CADM2: variants seen among roughly 807,000 people sequenced by gnomAD.
CADM2 encodes immunoglobulin superfamily member 4D.
In CADM2, 12 loss-of-function variants were observed where a neutral mutation model predicts 49.8. The observed-to-expected ratio is 0.24, with a 90% CI of 0.15 to 0.39. The LOEUF (loss-of-function observed/expected upper bound fraction) is 0.39, where lower values mean the gene tolerates loss of function less well. Ranked by LOEUF, CADM2 falls within the 10% of genes least tolerant of loss-of-function variation. The pLI is 1.00. For synonymous variants in CADM2, 214 were observed against 175.4 expected (o/e 1.22, Z -1.74); for missense variants, 378 against 492.3 (o/e 0.77, Z 2.20).
intron 1 of CADM2, among the ~76,000 whole-genome samples, chr3:85,442,066 G>GA (rs1174357082): frequency 6.6e-6 from 1 of 151,976 alleles, no homozygotes; most frequent in Non-Finnish European, 1.5e-5. Context: ...AAGACATGTT[G>GA]AAAATAGGCA....
At chr3:85,959,698 A>AT in intron 7 of CADM2, among the ~76,000 whole-genome samples, 1 of 151,810 alleles carries the variant, frequency 6.6e-6, no homozygotes, top group Non-Finnish European at 1.5e-5. Flanking sequence ...TTTACTATAC[A>AT]TTTTCCATGT....
chr3:85,610,905 A>T (rs537025197), intron 1 of CADM2, among the ~76,000 whole-genome samples: 1 of 152,082 alleles, frequency 6.6e-6, no homozygotes, highest in South Asian at 2.1e-4. Flanking sequence ...CATCCTCATA[A>T]GTGTTGAAAC....
chr3:85,279,605 A>T (rs1270135751), intron 1 of CADM2, among the ~76,000 whole-genome samples: 1 of 151,492 alleles, frequency 6.6e-6, no homozygotes, highest in East Asian at 1.9e-4. Context: ...TTTAGTAAGT[A>T]TATTAAACTG....
At chr3:85,832,329 G>T (rs2074221341) in intron 3 of CADM2, among the ~76,000 whole-genome samples, 2 of 151,850 alleles carry the variant, frequency 1.3e-5, no homozygotes, top group South Asian at 4.2e-4. Context: ...TGAAGTTCAG[G>T]GTAGTATATC....
At chr3:85,873,600 A>T (rs890610823) in intron 3 of CADM2, among the ~76,000 whole-genome samples, 2 of 152,172 alleles carry the variant, frequency 1.3e-5, no homozygotes, top group African/African-American at 4.8e-5. Flanking sequence ...AGGGAGGCAG[A>T]GGTTGCAGTG....
chr3:85,701,460 A>G (rs1206277207), intron 1 of CADM2, among the ~76,000 whole-genome samples: 2 of 151,006 alleles, frequency 1.3e-5, no homozygotes, highest in Non-Finnish European at 2.9e-5. Flanking sequence ...GGACCCAGCA[A>G]TATGCTCTTA....
chr3:85,078,041 G>GACTT (rs1303332876), intron 1 of CADM2, among the ~76,000 whole-genome samples: 6 of 151,968 alleles, frequency 3.9e-5, no homozygotes, highest in African/African-American at 1.4e-4. Flanking sequence ...TTTAAATGCA[G>GACTT]ACTTAACTTC....
intron 5 of CADM2, among the ~76,000 whole-genome samples, chr3:85,909,416 A>ATATATATAT (rs1717261059): frequency 6.6e-6 from 1 of 150,648 alleles, no homozygotes; most frequent in Non-Finnish European, 1.5e-5. Flanking sequence ...ATATATATAT[A>ATATATATAT]TATAATGTCC....
chr3:85,738,511 C>T (rs1361129991), intron 2 of CADM2, among the ~76,000 whole-genome samples: 1 of 152,174 alleles, frequency 6.6e-6, no homozygotes, highest in Non-Finnish European at 1.5e-5. Context: ...TTATTTAACA[C>T]ATCTGGCACA....
intron 1 of CADM2, among the ~76,000 whole-genome samples, chr3:85,500,078 C>T (rs2040053600): frequency 6.6e-6 from 1 of 152,086 alleles, no homozygotes. Context: ...TGAATAGAGT[C>T]CCAAAATAAT....
intron 1 of CADM2, among the ~76,000 whole-genome samples, chr3:85,476,845 A>G (rs2038994980): frequency 6.6e-6 from 1 of 151,716 alleles, no homozygotes; most frequent in Non-Finnish European, 1.5e-5. Context: ...CTATCTTTAA[A>G]CATACCAATA....
intron 1 of CADM2, among the ~76,000 whole-genome samples, chr3:85,651,878 C>T (rs374552137): frequency 5.6e-4 from 84 of 149,560 alleles, no homozygotes; most frequent in Admixed American, 1.3e-3. Flanking sequence ...AGTGCAGTGG[C>T]GTGATCTCGG....
At chr3:85,452,045 T>G (rs1391184604) in intron 1 of CADM2, among the ~76,000 whole-genome samples, 3 of 152,126 alleles carry the variant, frequency 2.0e-5, no homozygotes, top group Non-Finnish European at 4.4e-5. Context: ...CTGAAATCAT[T>G]TACATTCTGT....
At chr3:85,290,941 T>C (rs1576292323) in intron 1 of CADM2, among the ~76,000 whole-genome samples, 1 of 152,224 alleles carries the variant, frequency 6.6e-6, no homozygotes, top group Non-Finnish European at 1.5e-5. Context: ...GGATGGAGAA[T>C]GACTTTGATG....
chr3:85,114,066 T>C (rs1369663713), intron 1 of CADM2, among the ~76,000 whole-genome samples: 1 of 152,092 alleles, frequency 6.6e-6, no homozygotes, highest in Non-Finnish European at 1.5e-5. Flanking sequence ...ACCATAAGTA[T>C]AGGATCCATA....
At chr3:84,977,770 G>GTTTTCAT (rs2031919468) in intron 1 of CADM2, among the ~76,000 whole-genome samples, 3 of 151,992 alleles carry the variant, frequency 2.0e-5, no homozygotes, top group Non-Finnish European at 4.4e-5. Flanking sequence ...TGGTTTCATC[G>GTTTTCAT]TTGATTTGTT....
chr3:85,578,511 T>C (rs193182875), intron 1 of CADM2, among the ~76,000 whole-genome samples: 1 of 152,372 alleles, frequency 6.6e-6, no homozygotes, highest in Non-Finnish European at 1.5e-5. Flanking sequence ...TTTAGAGTTC[T>C]TTTGTTTAAC....
chr3:85,021,173 G>A lies in CADM2; in HGVS notation c.61+61505G>A, dbSNP rs191253762. ...AAAAAAAGAGAAGAAAAGAAGAAACGTGAAAAAGCTGTTTATATCATCTTC... is the reference window on the plus strand; with the variant it reads ...AAAAAAAGAGAAGAAAAGAAGAAACATGAAAAAGCTGTTTATATCATCTTC... On this transcript the variant is annotated intron_variant, in intron 1 of 9. Coordinates refer to ENST00000383699, the MANE Select transcript of CADM2 (RefSeq NM_001167675.2). Among the ~76,000 whole-genome samples, 649 of 149,686 alleles carry A rather than the reference G, an allele frequency of 4.3e-3. 1 individual carries two copies. Among genetic ancestry groups the A allele is most frequent in the Middle Eastern group, 0.014 (4 of 284 alleles).
At chr3:85,985,699 C>G (rs993715493) in intron 8 of CADM2, among the ~76,000 whole-genome samples, 3 of 151,874 alleles carry the variant, frequency 2.0e-5, no homozygotes, top group African/African-American at 2.4e-5. Context: ...TCACTATAAT[C>G]CTAAAACATT....
Sources: gnomAD v4.1 joint callset for allele counts (sites outside exome capture counted in the v4.1 genomes callset) on GRCh38, gnomAD v4.1.1 for gene constraint, MANE v1.5 for transcripts, NCBI Gene and HGNC (gene_info 2026-07-23, HGNC 2026-07-21) for gene names.